The following HYKK variants were observed in gnomAD, a reference collection of about 807,000 sequenced individuals.
The protein encoded by HYKK is 5-hydroxy-L-lysine kinase.
HYKK carries 19 observed loss-of-function variants against 29.7 expected under a neutral mutation model. The observed-to-expected ratio is 0.64, with a 90% CI of 0.45 to 0.94. The LOEUF (loss-of-function observed/expected upper bound fraction) is 0.94. Among genes scored for constraint, HYKK ranks in the 40% least tolerant of loss-of-function variants. The pLI, the probability that HYKK is intolerant of heterozygous loss-of-function variation, is 0.00. For synonymous variants in HYKK, 152 were observed against 158.1 expected, an observed-to-expected ratio of 0.96 and a Z score of 0.29; for missense variants, 390 against 443.4, an observed-to-expected ratio of 0.88 and a Z score of 1.08.
At chr15:78,528,815 G>C in intron 4 of HYKK, 5 of 979,426 alleles carry the variant, frequency 5.1e-6, no homozygotes, top group Non-Finnish European at 6.1e-6. Flanking sequence ...AAAAAAAAAG[G>C]GCAAGGAACT....
chr15:78,530,028 G>T (rs772654809), intron 4 of HYKK, among the ~76,000 whole-genome samples: 1 of 151,014 alleles, frequency 6.6e-6, no homozygotes, highest in Non-Finnish European at 1.5e-5. Context: ...TAGAGATAGG[G>T]TCTCTCTATG....
intron 3 of HYKK, among the ~76,000 whole-genome samples, chr15:78,524,955 C>T (rs2052234436): frequency 5.9e-5 from 9 of 152,040 alleles, no homozygotes; most frequent in Admixed American, 5.2e-4. Context: ...GCCCCACCTC[C>T]GATATTGGGG....
intron 2 of HYKK, among the ~76,000 whole-genome samples, chr15:78,514,675 T>C (rs896261227): frequency 6.6e-6 from 1 of 152,008 alleles, no homozygotes; most frequent in African/African-American, 2.4e-5. Context: ...CCAGCAGAGT[T>C]AGGGCTATAA....
Position 78,534,137 on chromosome 15 carries a change from T to C in HYKK, c.*467T>C, listed in dbSNP as rs1343243557. ...TAGAATCCCAGTGCATTGTGTCTTT[T>C]TCATGGCCCATCACTTTGTATAATG... On this transcript the variant is annotated 3_prime_UTR_variant, in exon 5 of 5. Coordinates refer to ENST00000388988, the MANE Select transcript of HYKK (RefSeq NM_001013619.4). 1 of 155,080 alleles carries C rather than the reference T, an allele frequency of 6.4e-6. No individual in the cohort carries two copies. 9.6% of individuals were successfully genotyped at this position (155,080 alleles called of 1,614,324 possible). A position where few individuals can be genotyped will look rare whatever the true frequency, so the allele number is the denominator to read the frequency against.
rs923918603 is a variant in HYKK at position 78,510,958 on chromosome 15, C to CT, written c.-5-2100dup. 9.4e-3 allele frequency among the ~76,000 whole-genome samples: 798 copies of CT among 85,136 alleles called. 4 individuals carry two copies. Among genetic ancestry groups the CT allele is most frequent in the African/African-American group, 0.015 (357 of 23,398 alleles). 55.9% of individuals were successfully genotyped at this position (85,136 alleles called of 152,430 possible). A position where few individuals can be genotyped will look rare whatever the true frequency, so the allele number is the denominator to read the frequency against. On this transcript the variant is annotated intron_variant, in intron 1 of 4. Transcript: ENST00000388988. ...ACAAAAGCTAACTCTTCATGAGATTCTTTTTTTTTTTTTTTTTTTTTTTTT... is the reference window on the plus strand; with the variant it reads ...ACAAAAGCTAACTCTTCATGAGATTCTTTTTTTTTTTTTTTTTTTTTTTTTT...
chr15:78,528,908 G>A, intron 4 of HYKK: 2 of 938,890 alleles, frequency 2.1e-6, no homozygotes, highest in South Asian at 9.8e-5. Flanking sequence ...AGTGTAAGGT[G>A]TAGCGTAAAA....
intron 1 of HYKK, among the ~76,000 whole-genome samples, chr15:78,509,241 A>G (rs1418733846): frequency 6.6e-6 from 1 of 152,224 alleles, no homozygotes; most frequent in African/African-American, 2.4e-5. Context: ...ATGGAATACT[A>G]GAGCTAGAGG....
At chr15:78,516,645 C>T (rs1448246450) in intron 3 of HYKK, among the ~76,000 whole-genome samples, 1 of 152,088 alleles carries the variant, frequency 6.6e-6, no homozygotes, top group Non-Finnish European at 1.5e-5. Flanking sequence ...CTACCCCATG[C>T]CTAGCCAGGG....
Position 78,515,118 on chromosome 15 carries a change from G to T in HYKK, c.477+11G>T. ...GATAAGACACTGCAGGTAAGATTTG[G>T]GGCTTTATTTTATTCTAAGGGATGT... On this transcript the variant is annotated intron_variant, in intron 3 of 4. Transcript: ENST00000388988. 1 of 1,537,974 alleles carries T rather than the reference G, an allele frequency of 6.5e-7. No individual in the cohort carries two copies. The highest frequency in any genetic ancestry group is 8.7e-7 in the Non-Finnish European group (1 of 1,143,150).
chr15:78,515,335 G>A (rs777203554), intron 3 of HYKK, among the ~76,000 whole-genome samples: 30 of 152,038 alleles, frequency 2.0e-4, no homozygotes, highest in Non-Finnish European at 7.4e-5. Context: ...TAATCCCAGC[G>A]CTTTGGGAGG....
In HYKK at chr15:78,533,830, G is replaced by A. The variant is rs2052336301; in HGVS notation, c.*160G>A. The A allele has an allele frequency of 3.3e-6, 2 of 605,036 alleles. No individual in the cohort carries two copies. The highest frequency in any genetic ancestry group is 4.2e-5 in the South Asian group (2 of 47,142). The allele number at this position is 605,036 out of a possible 1,614,324, so 37.5% of individuals were successfully genotyped here. A position where few individuals can be genotyped will look rare whatever the true frequency, so the allele number is the denominator to read the frequency against. On this transcript the variant is annotated 3_prime_UTR_variant, in exon 5 of 5. Coordinates refer to ENST00000388988, the MANE Select transcript of HYKK (RefSeq NM_001013619.4). ...CACATGAAATCCCTAAGGTCTTCAA[G>A]CAATCTCGTGACAATTTTTTAAAAT...
At chr15:78,514,107 T>G (rs1433525842) in intron 2 of HYKK, among the ~76,000 whole-genome samples, 1 of 152,088 alleles carries the variant, frequency 6.6e-6, no homozygotes, top group Non-Finnish European at 1.5e-5. Context: ...TTTTGTTTTT[T>G]TTTTTAACCA....
chr15:78,517,001 A>G (rs751647604), intron 3 of HYKK, among the ~76,000 whole-genome samples: 7 of 151,928 alleles, frequency 4.6e-5, no homozygotes, highest in Non-Finnish European at 8.8e-5. Context: ...CTTGGGTGAC[A>G]GAGCAAGACC....
chr15:78,508,880 CAAAAAAAAA>C lies in HYKK; in HGVS notation c.-6+1221_-6+1229del, dbSNP rs71148531. On this transcript the variant is annotated intron_variant, in intron 1 of 4. Transcript: ENST00000388988. ...GCAACATAGTGGGACCCTCTCTCTCCAAAAAAAAAAAAAAAAAAAAGGCCAGGCATGGTG... is the reference window on the plus strand; with the variant it reads ...GCAACATAGTGGGACCCTCTCTCTCCAAAAAAAAAAAGGCCAGGCATGGTG... 4.9e-4 allele frequency among the ~76,000 whole-genome samples: 27 copies of C among 55,618 alleles called. 2 individuals carry two copies. In the East Asian group the frequency reaches 5.6e-3, roughly 11 times the overall value. The allele number at this position is 55,618 out of a possible 152,430, so 36.5% of individuals were successfully genotyped here.
chr15:78,528,802 A>AG, intron 4 of HYKK: 1 of 323,234 alleles, frequency 3.1e-6, no homozygotes, highest in Non-Finnish European at 3.9e-6. Context: ...ATCCGTCTCC[A>AG]AAAAAAAAAA....
intron 2 of HYKK, 79 bp from the exon 3 acceptor site, chr15:78,514,889 C>CCCCT: frequency 4.8e-6 from 1 of 206,746 alleles, no homozygotes. Flanking sequence ...TATCTAAATA[C>CCCCT]CTCTCTCTCT....
chr15:78,523,561 CA>C (rs2052219866), intron 3 of HYKK, among the ~76,000 whole-genome samples: 1 of 152,152 alleles, frequency 6.6e-6, no homozygotes, highest in Non-Finnish European at 1.5e-5. Flanking sequence ...TCTTCCAATG[CA>C]AAATACAATC....
Position 78,533,552 on chromosome 15 carries a change from T to C in HYKK, c.1004T>C (p.Met335Thr), listed in dbSNP as rs2052333278. The C allele has an allele frequency of 6.2e-7, 1 of 1,612,452 alleles. No individual in the cohort carries two copies. The change falls in exon 5 of 5, where the codon ATG (methionine) becomes ACG (threonine). Residue 335 changes from methionine to threonine, a missense_variant. Transcript: ENST00000388988. ...TACCCAGAGAACAAAGACTATCTCA[T>C]GGTTACTGCAAAAACCGGGTGGAAA... Reference protein sequence around the residue: ...QLYPENKDYLMVTAKTGWKHL... With the variant: ...QLYPENKDYLTVTAKTGWKHL...
downstream of HYKK, chr15:78,537,310 C>T (rs776473872): frequency 7.5e-6 from 5 of 662,648 alleles, no homozygotes; most frequent in African/African-American, 5.4e-5. Context: ...GACCTAGCAC[C>T]GTGCCAGGCC....
Sources: gnomAD v4.1 joint callset for allele counts (sites outside exome capture counted in the v4.1 genomes callset) on GRCh38, gnomAD v4.1.1 for gene constraint, MANE v1.5 for transcripts, NCBI Gene and HGNC (gene_info 2026-07-23, HGNC 2026-07-21) for gene names.